SRP19: variants seen among roughly 807,000 people sequenced by gnomAD.
SRP19 encodes signal recognition particle 19.
Under a neutral mutation model 22.4 loss-of-function variants are expected in SRP19, and 11 were observed. That is an observed-to-expected ratio of 0.49 (90% CI 0.31 to 0.81). SRP19 has a LOEUF of 0.81. Ranked by LOEUF, SRP19 falls within the 40% of genes least tolerant of loss-of-function variation. The probability of loss-of-function intolerance (pLI) is 0.05; values close to 1 mark genes in which losing one functional copy is unlikely to be tolerated. For missense variants in SRP19, 168 were observed against 175.9 expected (o/e 0.96, Z 0.25); for synonymous variants, 61 against 57.6 (o/e 1.06, Z -0.27).
At chr5:112,891,339 C>G (rs1247642339) in intron 4 of SRP19, among the ~76,000 whole-genome samples, 1 of 152,092 alleles carries the variant, frequency 6.6e-6, no homozygotes, top group African/African-American at 2.4e-5. Context: ...TCCTAAAGTG[C>G]TGGGATTACA....
chr5:112,881,680 C>A (rs1205492324), intron 4 of SRP19, among the ~76,000 whole-genome samples: 1 of 152,198 alleles, frequency 6.6e-6, no homozygotes, highest in African/African-American at 2.4e-5. Context: ...CCTTCCCTTT[C>A]CCTGTCATCC....
At chr5:112,864,796 G>T in intron 4 of SRP19, 64 bp downstream of exon 4, 1 of 1,309,422 alleles carries the variant, frequency 7.6e-7, no homozygotes, top group East Asian at 2.3e-5. Flanking sequence ...ACACAAAAAA[G>T]GTTCTAAAAC....
At chr5:112,887,472 T>C (rs922732166) in intron 4 of SRP19, among the ~76,000 whole-genome samples, 1 of 152,230 alleles carries the variant, frequency 6.6e-6, no homozygotes, top group Non-Finnish European at 1.5e-5. Context: ...TATATAGCTG[T>C]AAGAGGCTTT....
At chr5:112,863,122 C>T (rs902457556) in intron 2 of SRP19, among the ~76,000 whole-genome samples, 13 of 152,200 alleles carry the variant, frequency 8.5e-5, no homozygotes, top group Non-Finnish European at 1.6e-4. Flanking sequence ...ACACTACAAG[C>T]ATCCAGGAAG....
chr5:112,864,320 G>A lies in SRP19; in HGVS notation c.118-137G>A, dbSNP rs1436301642. 6 of 676,998 alleles carry A rather than the reference G, an allele frequency of 8.9e-6. No individual in the cohort carries two copies. The South Asian group carries it at 9.7e-5, about 11-fold the overall frequency. The allele number at this position is 676,998 out of a possible 1,614,324, so 41.9% of individuals were successfully genotyped here. A position where few individuals can be genotyped will look rare whatever the true frequency, so the allele number is the denominator to read the frequency against. ...AGGAATTTTTAAAATTACAATAGAA[G>A]CATCTGTACTTAATGAAAAAGGAAA... On this transcript the variant is annotated intron_variant, in intron 2 of 4. Coordinates refer to ENST00000505459, the MANE Select transcript of SRP19 (RefSeq NM_003135.3).
At position 112,864,452 on chromosome 5, in the gene SRP19, T is replaced by A. The variant is rs1561638205; in HGVS notation, c.118-5T>A. ...TATTTAGTGTTTATGTTTTTAACTG[T>A]TCAGGCTGTTGAAAATCCTACAGCT... On this transcript the variant is annotated splice_polypyrimidine_tract_variant and splice_region_variant and intron_variant, in intron 2 of 4. Coordinates refer to ENST00000505459, the MANE Select transcript of SRP19 (RefSeq NM_003135.3). The A allele has an allele frequency of 1.2e-6, 2 of 1,612,506 alleles. No homozygotes were observed. The highest frequency in any genetic ancestry group is 1.7e-6 in the Non-Finnish European group (2 of 1,179,456).
chr5:112,879,502 C>T (rs1768004179), intron 4 of SRP19, among the ~76,000 whole-genome samples: 1 of 152,154 alleles, frequency 6.6e-6, no homozygotes, highest in African/African-American at 2.4e-5. Context: ...GAGACGGAGT[C>T]TCGCTCTGTC....
At chr5:112,885,170 A>T in intron 4 of SRP19, 1 of 171,360 alleles carries the variant, frequency 5.8e-6, no homozygotes, top group Middle Eastern at 1.7e-3. Flanking sequence ...TCATGGTGCC[A>T]GCCCAGAGAG....
chr5:112,877,979 CTCTGTGTGTGTG>C (rs1767948033), intron 4 of SRP19: 1 of 115,382 alleles, frequency 8.7e-6, no homozygotes, highest in African/African-American at 3.6e-5. Context: ...TTACAGGTTA[CTCTGTGTGTGTG>C]TGTGTGTGTG....
downstream of SRP19, among the ~76,000 whole-genome samples, chr5:112,871,727 C>T (rs1334815377): frequency 1.3e-5 from 2 of 152,042 alleles, no homozygotes; most frequent in Non-Finnish European, 2.9e-5. Flanking sequence ...CCACTGCACT[C>T]CAGCCTGGGT....
At chr5:112,878,655 T>C (rs1401401984) in intron 4 of SRP19, 1 of 1,321,972 alleles carries the variant, frequency 7.6e-7, no homozygotes, top group Non-Finnish European at 1.0e-6. Context: ...TTACAACACA[T>C]TCCAATCTTT....
chr5:112,893,005 T>C, exon 5 of SRP19: 1 of 1,568,328 alleles, frequency 6.4e-7, no homozygotes, highest in Non-Finnish European at 8.7e-7. Flanking sequence ...CCAAAGTTCC[T>C]CTAGGTGCCG....
downstream of SRP19, chr5:112,895,612 T>C (rs1561653115): frequency 6.6e-6 from 1 of 152,204 alleles, no homozygotes; most frequent in Non-Finnish European, 1.5e-5. Flanking sequence ...AGTAAAATAA[T>C]TACTGCTCTC....
chr5:112,889,061 T>G (rs1186390593), intron 4 of SRP19, among the ~76,000 whole-genome samples: 1 of 150,864 alleles, frequency 6.6e-6, no homozygotes. Flanking sequence ...AGACATCCCT[T>G]TGCTTTTCCT....
chr5:112,875,180 T>TA (rs111808186), intron 4 of SRP19, among the ~76,000 whole-genome samples: 3 of 152,162 alleles, frequency 2.0e-5, no homozygotes, highest in African/African-American at 7.2e-5. Context: ...CAGGAAAACT[T>TA]TTAATATCCT....
chr5:112,872,973 G>A (rs943146082), downstream of SRP19, among the ~76,000 whole-genome samples: 1 of 151,980 alleles, frequency 6.6e-6, no homozygotes, highest in Admixed American at 6.5e-5. Flanking sequence ...CAAGGGAATT[G>A]CTTTTTGGTC....
At chr5:112,862,284 C>G (rs1239720953) in intron 1 of SRP19, 1 of 583,884 alleles carries the variant, frequency 1.7e-6, no homozygotes, top group Non-Finnish European at 3.0e-6. Context: ...GGGGATCAAT[C>G]AGAAAGAGGA....
At chr5:112,864,759 G>C (rs920533248) in intron 4 of SRP19, 27 bp downstream of exon 4, 2 of 1,547,014 alleles carry the variant, frequency 1.3e-6, no homozygotes, top group Middle Eastern at 1.9e-4. Flanking sequence ...GAATCAGTGG[G>C]GCTCAGGGAT....
rs1413285722 is a variant in SRP19, at chr5:112,862,373, A to T, written c.42-135A>T. The T allele has an allele frequency of 9.9e-6, 7 of 705,730 alleles. No individual in the cohort carries two copies. The East Asian group carries it at 2.1e-4, about 21-fold the overall frequency. 43.7% of individuals were successfully genotyped at this position (705,730 alleles called of 1,614,324 possible). On this transcript the variant is annotated intron_variant, in intron 1 of 4. Coordinates refer to ENST00000505459, the MANE Select transcript of SRP19 (RefSeq NM_003135.3). Reference sequence around the variant, plus strand: ...TTGATTTTTCAACTGCCACGCAGAAAAAGGAGGGGTTGAAAAGGGAGTACC... The same window carrying T: ...TTGATTTTTCAACTGCCACGCAGAATAAGGAGGGGTTGAAAAGGGAGTACC...
Sources: allele counts gnomAD v4.1 joint callset (sites outside exome capture counted in the v4.1 genomes callset), GRCh38; gene constraint gnomAD v4.1.1; transcripts MANE v1.5; gene names NCBI Gene and HGNC (gene_info 2026-07-23, HGNC 2026-07-21).